Variants in PPP2R3B observed in about 807,000 individuals in gnomAD.
The protein encoded by PPP2R3B is protein phosphatase 2 regulatory subunit B''beta.
In PPP2R3B, 68 loss-of-function variants were observed where a neutral mutation model predicts 72.9. That is an observed-to-expected ratio of 0.93 (90% confidence interval 0.77 to 1.14). PPP2R3B has a LOEUF of 1.14. Ranked by LOEUF, PPP2R3B falls within the 50% of genes most tolerant of loss-of-function variation. PPP2R3B has a pLI of 0.00. For synonymous variants in PPP2R3B, 466 were observed against 375.8 expected (o/e 1.24, Z -2.78); for missense variants, 1,018 against 842.0 (o/e 1.21, Z -2.59).
chrX:369,832 G>A (rs1389497473), intron 1 of PPP2R3B, among the ~76,000 whole-genome samples: 2 of 152,242 alleles, frequency 1.3e-5, no homozygotes, highest in South Asian at 2.1e-4. Flanking sequence ...ACGCACAGCC[G>A]TGCCCCCAGG....
rs1025082857 is a variant in PPP2R3B, at chrX:334,115, G to A, written c.*252C>T. On this transcript the variant is annotated 3_prime_UTR_variant, in exon 13 of 13. Coordinates refer to ENST00000390665, the MANE Select transcript of PPP2R3B (RefSeq NM_013239.5). The stretch of plus-strand genomic sequence containing the variant: ...CCGGAACCCAGGCTGGGTCGGGAAC[G>A]GCAAGCGCCAGAGGGTGTCCGTGTG... 815 of 380,238 alleles carry A rather than the reference G, an allele frequency of 2.1e-3. 12 individuals carry two copies. Among genetic ancestry groups the A allele is most frequent in the South Asian group, 0.014 (170 of 12,574 alleles). The allele number at this position is 380,238 out of a possible 1,614,324, so 23.6% of individuals were successfully genotyped here. A position where few individuals can be genotyped will look rare whatever the true frequency, so the allele number is the denominator to read the frequency against.
At chrX:341,510 T>TC in intron 8 of PPP2R3B, 114 bp from the exon 9 acceptor site, 1 of 1,090,496 alleles carries the variant, frequency 9.2e-7, no homozygotes, top group Non-Finnish European at 1.4e-6. Context: ...CCGGCCCTCC[T>TC]CCTGCCCCCC....
intron 2 of PPP2R3B, among the ~76,000 whole-genome samples, chrX:351,803 T>C (rs2071338106): frequency 6.6e-6 from 1 of 152,182 alleles, no homozygotes; most frequent in African/African-American, 2.4e-5. Context: ...GCTCAAGCAA[T>C]CCTCCCACCT....
At chrX:386,102 TAATAA>T (rs200283641) in intron 1 of PPP2R3B, among the ~76,000 whole-genome samples, 1,793 of 151,988 alleles carry the variant, frequency 0.012, 30 homozygotes, top group African/African-American at 0.041. Context: ...CAAATTAAAA[TAATAA>T]AATAAAATAA....
intron 11 of PPP2R3B, 24 bp downstream of exon 11, chrX:338,754 G>A (rs745458573): frequency 3.3e-5 from 53 of 1,611,892 alleles, no homozygotes; most frequent in East Asian, 2.9e-4. Context: ...GGCGCGGCCC[G>A]GCCCGCGTGC....
intron 1 of PPP2R3B, among the ~76,000 whole-genome samples, chrX:378,505 T>C (rs184667181): frequency 1.3e-5 from 2 of 152,334 alleles, no homozygotes; most frequent in East Asian, 3.9e-4. Context: ...GCATAGCTAG[T>C]AACAGGCAAG....
intron 2 of PPP2R3B, among the ~76,000 whole-genome samples, chrX:359,400 T>C (rs191881061): frequency 1.7e-4 from 26 of 152,398 alleles, no homozygotes; most frequent in Admixed American, 3.3e-4. Context: ...GAGATGGCAC[T>C]GCTGTAACTA....
At chrX:346,298 C>A in intron 5 of PPP2R3B, 38 bp from the exon 6 acceptor site, 1 of 1,530,166 alleles carries the variant, frequency 6.5e-7, no homozygotes, top group South Asian at 1.2e-5. Flanking sequence ...TGCGCAGAGA[C>A]CCCCAGGAGC....
intron 1 of PPP2R3B, among the ~76,000 whole-genome samples, chrX:370,489 A>G (rs2071835545): frequency 6.6e-6 from 1 of 152,154 alleles, no homozygotes; most frequent in African/African-American, 2.4e-5. Context: ...CCACCAGCCA[A>G]GGGGTGACGG....
intron 12 of PPP2R3B, chrX:334,995 C>G (rs1037422263): frequency 6.5e-6 from 1 of 154,642 alleles, no homozygotes; most frequent in African/African-American, 2.4e-5. Context: ...CTTAAGGTCT[C>G]GGCAGTGACG....
chrX:370,786 C>T (rs192627412), intron 1 of PPP2R3B, among the ~76,000 whole-genome samples: 3 of 152,296 alleles, frequency 2.0e-5, no homozygotes, highest in Admixed American at 1.3e-4. Context: ...CGTGCCCTGG[C>T]GGTGAGAGCA....
chrX:363,306 C>A (rs769034631), intron 1 of PPP2R3B, among the ~76,000 whole-genome samples: 4 of 127,818 alleles, frequency 3.1e-5, no homozygotes, highest in South Asian at 5.0e-4. Flanking sequence ...TGCATCTCCC[C>A]GAGCCCACCA....
At chrX:367,783 A>G (rs1304483105) in intron 1 of PPP2R3B, among the ~76,000 whole-genome samples, 2 of 152,236 alleles carry the variant, frequency 1.3e-5, no homozygotes, top group African/African-American at 4.8e-5. Flanking sequence ...ATTCACGTAC[A>G]TGGGAGACAC....
In PPP2R3B at chrX:346,761, C is replaced by A. The variant is rs756948916; in HGVS notation, c.732G>T (p.Thr244=). 1 of 1,609,924 alleles carries A rather than the reference C, an allele frequency of 6.2e-7. No homozygotes were observed. The highest frequency in any genetic ancestry group is 8.5e-7 in the Non-Finnish European group (1 of 1,178,472). ...FVPFLQDVVN[T]HPGLSFLKEA... ...CCTTCAGGAACGACAGCCCCGGGTG[C>A]GTGTTCACCACGTCCTGCGGGTGGG... Residue 244 remains threonine (T), a synonymous_variant, in exon 5 of 13, where the codon ACG becomes ACT. Coordinates refer to ENST00000390665, the MANE Select transcript of PPP2R3B (RefSeq NM_013239.5).
intron 1 of PPP2R3B, chrX:374,008 G>A (rs1476026578): frequency 1.3e-5 from 2 of 152,504 alleles, no homozygotes; most frequent in Admixed American, 6.5e-5. Context: ...CCGTCCGGCC[G>A]GGCAAGGGGG....
chrX:363,272 C>A (rs2071583740), intron 1 of PPP2R3B, among the ~76,000 whole-genome samples: 1 of 151,628 alleles, frequency 6.6e-6, no homozygotes, highest in Non-Finnish European at 1.5e-5. Flanking sequence ...CGCAGTGCAT[C>A]TCCCCGAGCC....
chrX:345,280 C>T, intron 7 of PPP2R3B: 1 of 705,234 alleles, frequency 1.4e-6, no homozygotes, highest in South Asian at 1.5e-5. Context: ...CACACTGACC[C>T]TGTAGACGCC....
intron 1 of PPP2R3B, 164 bp from the exon 2 acceptor site, chrX:361,754 C>T (rs1381404150): frequency 3.6e-6 from 1 of 278,462 alleles, no homozygotes; most frequent in African/African-American, 2.3e-5. Flanking sequence ...CACACGTACT[C>T]CACTGCAGGG....
Position 334,103 on chromosome X carries a change from T to C in PPP2R3B, c.*264A>G, listed in dbSNP as rs6645063. 0.45 allele frequency: 162,736 copies of C among 360,026 alleles called. 40,780 individuals are homozygous for C. Among genetic ancestry groups the C allele is most frequent in the African/African-American group, 0.78 (36,438 of 46,822 alleles). The allele number at this position is 360,026 out of a possible 1,614,324, so 22.3% of individuals were successfully genotyped here. On this transcript the variant is annotated 3_prime_UTR_variant, in exon 13 of 13. Coordinates refer to ENST00000390665, the MANE Select transcript of PPP2R3B (RefSeq NM_013239.5). ...CAGACGCAGGCCCCGGAACCCAGGC[T>C]GGGTCGGGAACGGCAAGCGCCAGAG...
Sources: gnomAD v4.1 joint callset for allele counts (sites outside exome capture counted in the v4.1 genomes callset) on GRCh38, gnomAD v4.1.1 for gene constraint, MANE v1.5 for transcripts, NCBI Gene and HGNC (gene_info 2026-07-23, HGNC 2026-07-21) for gene names.